The following PTPRK variants were observed in gnomAD, a reference collection of about 807,000 sequenced individuals.
PTPRK encodes the protein receptor-type tyrosine-protein phosphatase kappa.
Under a neutral mutation model 178.0 loss-of-function variants are expected in PTPRK, and 75 were observed. That is an observed-to-expected ratio of 0.42 (90% confidence interval 0.35 to 0.51). The LOEUF (loss-of-function observed/expected upper bound fraction) is 0.51. Among genes scored for constraint, PTPRK ranks in the 20% least tolerant of loss-of-function variants. The pLI is 0.02. For missense variants in PTPRK, 1,441 were observed against 1,797.8 expected (o/e 0.80, Z 3.59); for synonymous variants, 637 against 620.6 (o/e 1.03, Z -0.39).
intron 1 of PTPRK, chr6:128,409,315 A>C: frequency 2.2e-6 from 1 of 455,152 alleles, no homozygotes; most frequent in South Asian, 1.6e-5. Flanking sequence ...TTGTCATTTC[A>C]GTAACTGCAG....
At chr6:128,190,533 C>G (rs1026760958) in intron 6 of PTPRK, among the ~76,000 whole-genome samples, 14 of 109,358 alleles carry the variant, frequency 1.3e-4, no homozygotes, top group Non-Finnish European at 2.2e-4. Flanking sequence ...GAGTCTCGCT[C>G]TGTTATCCAG....
chr6:128,347,972 T>C (rs966453774), intron 2 of PTPRK, among the ~76,000 whole-genome samples: 4 of 151,874 alleles, frequency 2.6e-5, no homozygotes. Flanking sequence ...AGAAATACAA[T>C]ACCTATGGGA....
intron 13 of PTPRK, among the ~76,000 whole-genome samples, chr6:128,022,389 C>T (rs1773658151): frequency 6.6e-6 from 1 of 152,148 alleles, no homozygotes; most frequent in African/African-American, 2.4e-5. Context: ...CCTTACGTTT[C>T]TTCTCTTAAA....
At chr6:127,972,351 A>C (rs1307318706) in intron 29 of PTPRK, among the ~76,000 whole-genome samples, 1 of 152,186 alleles carries the variant, frequency 6.6e-6, no homozygotes, top group Non-Finnish European at 1.5e-5. Context: ...TGTAACCCAC[A>C]GATATCTCTC....
intron 10 of PTPRK, among the ~76,000 whole-genome samples, chr6:128,080,739 G>A (rs1784672012): frequency 1.3e-5 from 2 of 151,792 alleles, no homozygotes; most frequent in East Asian, 3.9e-4. Flanking sequence ...CCGGACTCAG[G>A]GAATAAATTT....
chr6:128,162,684 G>T (rs867712832), intron 7 of PTPRK, among the ~76,000 whole-genome samples: 1 of 151,656 alleles, frequency 6.6e-6, no homozygotes, highest in Non-Finnish European at 1.5e-5. Context: ...TCCATTAATC[G>T]TAAACTTTGA....
At position 128,082,631 on chromosome 6, in the gene PTPRK, T is replaced by C. The variant is rs1389747416; in HGVS notation, c.1583A>G (p.Tyr528Cys). The change falls in exon 10 of 30, where the codon TAT (tyrosine) becomes TGT (cysteine). Residue 528 changes from tyrosine to cysteine, a missense_variant. Tyr to Cys is a radical substitution (Grantham distance 194, BLOSUM62 -2). This residue lies in a region of PTPRK where 945 missense variants were observed against 1,080.6 expected (regional missense o/e 0.87). Transcript: ENST00000368226. ...NGIITQYEIS[Y>C]SSIRSFDPAV... ...AGGATCAAATGATCTTATACTGCTA[T>C]AGCTGATCTGTTTTAAGAAATACAT... The C allele has an allele frequency of 1.1e-5, 17 of 1,603,030 alleles. No individual in the cohort carries two copies. Among genetic ancestry groups the C allele is most frequent in the Admixed American group, 1.7e-5 (1 of 59,516 alleles).
intron 7 of PTPRK, among the ~76,000 whole-genome samples, chr6:128,161,958 T>C (rs1562702214): frequency 6.6e-6 from 1 of 151,674 alleles, no homozygotes; most frequent in East Asian, 1.9e-4. Flanking sequence ...TCAAGTTACA[T>C]TTCAAACTGC....
intron 3 of PTPRK, among the ~76,000 whole-genome samples, chr6:128,282,876 T>A (rs1199309988): frequency 6.6e-6 from 1 of 152,100 alleles, no homozygotes; most frequent in East Asian, 1.9e-4. Flanking sequence ...GGCAATAATA[T>A]AGCTATAAGT....
chr6:128,240,233 C>T, intron 4 of PTPRK, 83 bp from the exon 5 acceptor site: 1 of 1,049,284 alleles, frequency 9.5e-7, no homozygotes, highest in Non-Finnish European at 1.4e-6. Context: ...TGAATATTAT[C>T]ATTAGTGTTT....
At chr6:128,326,581 A>G (rs1320817956) in intron 2 of PTPRK, among the ~76,000 whole-genome samples, 2 of 152,194 alleles carry the variant, frequency 1.3e-5, no homozygotes, top group African/African-American at 4.8e-5. Flanking sequence ...TGTTAAGTAA[A>G]ATATGCAGGT....
intron 13 of PTPRK, among the ~76,000 whole-genome samples, 158 bp from the exon 14 acceptor site, chr6:128,009,426 C>T (rs548849930): frequency 1.7e-4 from 25 of 150,800 alleles, no homozygotes; most frequent in South Asian, 4.1e-4. Context: ...AAATACAATA[C>T]GAGATTTAGG....
chr6:128,019,304 T>C (rs1183793271), intron 13 of PTPRK, among the ~76,000 whole-genome samples: 1 of 152,156 alleles, frequency 6.6e-6, no homozygotes, highest in Non-Finnish European at 1.5e-5. Context: ...GCTGCCTATA[T>C]TAGGAGTAAT....
intron 1 of PTPRK, among the ~76,000 whole-genome samples, chr6:128,432,074 T>C (rs964245019): frequency 1.3e-5 from 2 of 152,200 alleles, no homozygotes; most frequent in Non-Finnish European, 2.9e-5. Flanking sequence ...TAGAGTCTTC[T>C]AATACAATTT....
intron 1 of PTPRK, among the ~76,000 whole-genome samples, chr6:128,500,301 G>A (rs9491975): frequency 0.086 from 13,116 of 151,902 alleles, 912 homozygotes; most frequent in African/African-American, 0.19. Flanking sequence ...GAAGTTGTCA[G>A]AAACAGATGC....
At chr6:128,390,930 CATT>C (rs746574727) in intron 2 of PTPRK, among the ~76,000 whole-genome samples, 2 of 151,976 alleles carry the variant, frequency 1.3e-5, no homozygotes, top group Non-Finnish European at 2.9e-5. Context: ...TCTGCAACAT[CATT>C]GTTTTCAAAC....
intron 5 of PTPRK, among the ~76,000 whole-genome samples, chr6:128,224,692 C>A (rs1463344381): frequency 1.3e-5 from 2 of 152,130 alleles, no homozygotes; most frequent in Admixed American, 6.5e-5. Flanking sequence ...GGGTATCGGT[C>A]CATATTCTGG....
At chr6:128,083,993 G>A (rs1376847680) in intron 8 of PTPRK, among the ~76,000 whole-genome samples, 169 bp from the exon 9 acceptor site, 1 of 152,006 alleles carries the variant, frequency 6.6e-6, no homozygotes, top group Non-Finnish European at 1.5e-5. Context: ...ATTTTACTTC[G>A]ATATATGAGA....
At chr6:128,501,531 G>GT (rs1027323815) in intron 1 of PTPRK, among the ~76,000 whole-genome samples, 3 of 152,176 alleles carry the variant, frequency 2.0e-5, no homozygotes, top group East Asian at 1.9e-4. Context: ...TAGACACTAG[G>GT]TTTTTTGTGG....
Sources: gnomAD v4.1 joint callset for allele counts (sites outside exome capture counted in the v4.1 genomes callset) on GRCh38, gnomAD v4.1.1 for gene constraint, gnomAD v4.1.1 regional missense constraint, MANE v1.5 for transcripts, NCBI Gene and HGNC (gene_info 2026-07-23, HGNC 2026-07-21) for gene names.